TMEM242: variants seen among roughly 807,000 people sequenced by gnomAD.
The protein encoded by TMEM242 is transmembrane protein 242.
TMEM242 carries 10 observed loss-of-function variants against 18.2 expected under a neutral mutation model. The observed-to-expected ratio is 0.55, with a 90% confidence interval of 0.34 to 0.93. The LOEUF is 0.93. Ranked by LOEUF, TMEM242 falls within the 40% of genes least tolerant of loss-of-function variation. The pLI is 0.02. For missense variants in TMEM242, 186 were observed against 175.5 expected, an observed-to-expected ratio of 1.06 and a Z score of -0.34; for synonymous variants, 57 against 69.9, an observed-to-expected ratio of 0.81 and a Z score of 0.92.
chr6:157,323,308 A>C (rs1285653453), intron 1 of TMEM242, 104 bp downstream of exon 1: 27 of 1,279,792 alleles, frequency 2.1e-5, no homozygotes, highest in African/African-American at 2.9e-5. Context: ...GCACAAGCTA[A>C]GGGCTCTCAG....
At chr6:157,321,886 G>A (rs1186563079) in intron 2 of TMEM242, among the ~76,000 whole-genome samples, 1 of 152,132 alleles carries the variant, frequency 6.6e-6, no homozygotes, top group African/African-American at 2.4e-5. Flanking sequence ...ATAACATAGA[G>A]AGAAAATGAC....
intron 3 of TMEM242, 39 bp downstream of exon 3, chr6:157,318,743 A>C: frequency 6.2e-7 from 1 of 1,611,644 alleles, no homozygotes; most frequent in Non-Finnish European, 8.5e-7. Flanking sequence ...TAAGCAGAAT[A>C]AACATGTAGA....
chr6:157,311,027 T>A (rs1339688361), intron 3 of TMEM242, among the ~76,000 whole-genome samples: 9 of 52,348 alleles, frequency 1.7e-4, no homozygotes, highest in Non-Finnish European at 3.0e-4. Context: ...CCTAGCCTCA[T>A]CATAGTGTCC....
intron 3 of TMEM242, among the ~76,000 whole-genome samples, chr6:157,293,875 AG>A (rs1220639269): frequency 6.6e-6 from 1 of 152,092 alleles, no homozygotes; most frequent in African/African-American, 2.4e-5. Context: ...CTGGAACTAC[AG>A]GCATGTGCTA....
At chr6:157,300,018 C>T in intron 3 of TMEM242, 1 of 1,108,484 alleles carries the variant, frequency 9.0e-7, no homozygotes, top group Non-Finnish European at 1.4e-6. Context: ...AAGAGCCAGG[C>T]GCCCTTGAGC....
intron 3 of TMEM242, among the ~76,000 whole-genome samples, chr6:157,309,886 A>T (rs781988682): frequency 6.6e-6 from 1 of 151,874 alleles, no homozygotes; most frequent in East Asian, 1.9e-4. Flanking sequence ...ATTATCTGTA[A>T]ATTCCTACTA....
intron 3 of TMEM242, among the ~76,000 whole-genome samples, chr6:157,301,915 G>A (rs1050044705): frequency 1.8e-4 from 27 of 152,260 alleles, no homozygotes; most frequent in African/African-American, 6.5e-4. Context: ...CTGGGCGATA[G>A]AGCAAGACTC....
chr6:157,303,031 C>A (rs1159602023), intron 3 of TMEM242, among the ~76,000 whole-genome samples: 1 of 152,218 alleles, frequency 6.6e-6, no homozygotes, highest in Non-Finnish European at 1.5e-5. Context: ...ATCCCCTAAG[C>A]AGAACTGGCT....
chr6:157,322,462 G>C (rs1778511793), intron 2 of TMEM242, among the ~76,000 whole-genome samples: 1 of 152,142 alleles, frequency 6.6e-6, no homozygotes, highest in Non-Finnish European at 1.5e-5. Flanking sequence ...GTTGTGAATA[G>C]GAAATGTACC....
At chr6:157,313,380 G>C (rs1292412603) in intron 3 of TMEM242, among the ~76,000 whole-genome samples, 1,103 of 9,894 alleles carry the variant, frequency 0.11, no homozygotes, top group African/African-American at 0.13. Flanking sequence ...TAGTGCCTCA[G>C]TGTACGCTCA....
chr6:157,320,494 GGA>G (rs1185134753), intron 2 of TMEM242, among the ~76,000 whole-genome samples: 1 of 152,026 alleles, frequency 6.6e-6, no homozygotes, highest in Non-Finnish European at 1.5e-5. Flanking sequence ...TTTTTGAGAT[GGA>G]GTCTCGCTCT....
At chr6:157,304,338 T>C (rs1554247746) in intron 3 of TMEM242, among the ~76,000 whole-genome samples, 1 of 151,586 alleles carries the variant, frequency 6.6e-6, no homozygotes, top group East Asian at 1.9e-4. Context: ...TGGTGGTGCA[T>C]GCCTGTAGTC....
intron 3 of TMEM242, among the ~76,000 whole-genome samples, chr6:157,297,592 G>C (rs770499897): frequency 5.1e-4 from 77 of 152,164 alleles, no homozygotes; most frequent in Admixed American, 1.7e-3. Flanking sequence ...ACTGCTTCCT[G>C]AGAAATCAAC....
Position 157,323,307 on chromosome 6 carries a change from A to G in TMEM242, c.88+105T>C, listed in dbSNP as rs587623613. ...CTAAACTCAGGGGCAAGCACAAGCT[A>G]AGGGCTCTCAGAGCGGGATGTGTGT... On this transcript the variant is annotated intron_variant, in intron 1 of 3. Coordinates refer to ENST00000400788, the MANE Select transcript of TMEM242 (RefSeq NM_018452.6). 5.5e-3 allele frequency: 7,001 copies of G among 1,272,100 alleles called. 32 individuals carry two copies. The highest frequency in any genetic ancestry group is 6.7e-3 in the Non-Finnish European group (6,045 of 896,686). The allele number at this position is 1,272,100 out of a possible 1,614,324, so 78.8% of individuals were successfully genotyped here. A position where few individuals can be genotyped will look rare whatever the true frequency, so the allele number is the denominator to read the frequency against.
rs1778063250 is a variant in TMEM242 at position 157,311,214 on chromosome 6, GCGC to G, written c.327+7565_327+7567del. Among the ~76,000 whole-genome samples the G allele has an allele frequency of 1.5e-4, 16 of 106,136 alleles. 2 individuals carry two copies. The highest frequency in any genetic ancestry group is 5.7e-4 in the African/African-American group (15 of 26,468). The allele number at this position is 106,136 out of a possible 152,430, so 69.6% of individuals were successfully genotyped here. On this transcript the variant is annotated intron_variant, in intron 3 of 3. Transcript: ENST00000400788. ...CAGCCTGATCATACTGTCCGACTGT[GCGC>G]TCACCTAGCCTCATCATAGTGTCCC...
chr6:157,323,451 C>T lies in TMEM242; in HGVS notation c.49G>A (p.Ala17Thr). 1.9e-6 allele frequency: 3 copies of T among 1,614,136 alleles called. No homozygotes were observed. The highest frequency in any genetic ancestry group is 2.5e-6 in the Non-Finnish European group (3 of 1,179,982). The change falls in exon 1 of 4, where the codon GCT becomes ACT. Residue 17 changes from alanine to threonine, a missense_variant. Coordinates refer to ENST00000400788, the MANE Select transcript of TMEM242 (RefSeq NM_018452.6). ...AGCCGGTCATTCGTGGACCCCGGAG[C>T]CTCCAGCCCAGAGGCCGGCTGCCCA... ...ATGQPASGLE[A>T]PGSTNDRLFL...
At position 157,291,360 on chromosome 6, in the gene TMEM242, A is replaced by C. The variant is rs1554246822; in HGVS notation, c.*1541T>G. 6.6e-6 allele frequency: 1 copy of C among 152,226 alleles called. No homozygotes were observed. Among genetic ancestry groups the C allele is most frequent in the Non-Finnish European group, 1.5e-5 (1 of 68,038 alleles). The allele number at this position is 152,226 out of a possible 1,614,324, so 9.4% of individuals were successfully genotyped here. A position where few individuals can be genotyped will look rare whatever the true frequency, so the allele number is the denominator to read the frequency against. ...TGTAACAAGGTTTGAGGGCCATCTC[A>C]TGCACGTTGGAAACCCACATTTATG... is the stretch of plus-strand genomic sequence containing the variant. On this transcript the variant is annotated 3_prime_UTR_variant, in exon 4 of 4. Coordinates refer to ENST00000400788, the MANE Select transcript of TMEM242 (RefSeq NM_018452.6).
rs1777703831 is a variant in TMEM242 at position 157,292,965 on chromosome 6, A to G, written c.362T>C (p.Phe121Ser). The G allele has an allele frequency of 6.2e-7, 1 of 1,613,748 alleles. No individual in the cohort carries two copies. The highest frequency in any genetic ancestry group is 1.3e-5 in the African/African-American group (1 of 74,930). ...NDFRSKMQSI[F>S]PTIPKNSESA... ...TTCGGAGTTCTTGGGAATTGTTGGA[A>G]ATATTGATTGCATTTTACTTCGAAA... The change falls in exon 4 of 4, where the codon TTT becomes TCT. Residue 121 changes from phenylalanine (F) to serine (S), a missense_variant. By Grantham distance (155) the Phe-to-Ser change is radical. Coordinates refer to ENST00000400788, the MANE Select transcript of TMEM242 (RefSeq NM_018452.6).
chr6:157,323,396 C>A lies in TMEM242; in HGVS notation c.88+16G>T. The A allele has an allele frequency of 1.2e-6, 2 of 1,613,522 alleles. No individual in the cohort carries two copies. The highest frequency in any genetic ancestry group is 8.5e-7 in the Non-Finnish European group (1 of 1,179,548). On this transcript the variant is annotated intron_variant, in intron 1 of 3. Coordinates refer to ENST00000400788, the MANE Select transcript of TMEM242 (RefSeq NM_018452.6). ...AACTCACCCCGACGCCCGCACCTCACCACAGCACATCTTACCTTTAACCAG... is the reference window on the plus strand; with the variant it reads ...AACTCACCCCGACGCCCGCACCTCAACACAGCACATCTTACCTTTAACCAG...
Sources: allele counts gnomAD v4.1 joint callset (sites outside exome capture counted in the v4.1 genomes callset), GRCh38; gene constraint gnomAD v4.1.1; transcripts MANE v1.5; gene names NCBI Gene and HGNC (gene_info 2026-07-23, HGNC 2026-07-21).